The following SDK1 variants were observed in gnomAD, a reference collection of about 807,000 sequenced individuals.
SDK1 encodes protein sidekick-1.
In SDK1, 157 loss-of-function variants were observed where a neutral mutation model predicts 245.5. The ratio of observed to expected loss-of-function variants is 0.64; its 90% CI spans 0.56 to 0.73. SDK1 has a LOEUF of 0.73. Among genes scored for constraint, SDK1 ranks in the 30% least tolerant of loss-of-function variants. The probability of loss-of-function intolerance (pLI) is 0.00; values close to 1 mark genes in which losing one functional copy is unlikely to be tolerated. For synonymous variants in SDK1, 1,647 were observed against 1,278.5 expected (o/e 1.29, Z -6.15); for missense variants, 3,583 against 3,002.3 (o/e 1.19, Z -4.52).
chr7:3,323,672 T>TA (rs756388189), intron 1 of SDK1, among the ~76,000 whole-genome samples: 5 of 152,194 alleles, frequency 3.3e-5, no homozygotes, highest in South Asian at 2.1e-4. Flanking sequence ...ATTTCTGACT[T>TA]ACGTTTTTAG....
chr7:4,233,251 G>A lies in SDK1; in HGVS notation c.5828-4G>A, dbSNP rs1440803885. On this transcript the variant is annotated splice_region_variant and splice_polypyrimidine_tract_variant and intron_variant, in intron 40 of 44. Coordinates refer to ENST00000404826, the MANE Select transcript of SDK1 (RefSeq NM_152744.4). Reference sequence around the variant, plus strand: ...CTGCTCTCGCCTCCCCATCCCTCTTGCAGATGAAGGCTTATGGGACATGTT... The same window carrying A: ...CTGCTCTCGCCTCCCCATCCCTCTTACAGATGAAGGCTTATGGGACATGTT... The A allele has an allele frequency of 6.2e-7, 1 of 1,610,964 alleles. No individual in the cohort carries two copies. The highest frequency in any genetic ancestry group is 1.7e-5 in the Admixed American group (1 of 59,986).
chr7:3,512,874 G>A (rs960847484), intron 1 of SDK1, among the ~76,000 whole-genome samples: 1 of 151,930 alleles, frequency 6.6e-6, no homozygotes, highest in South Asian at 2.1e-4. Flanking sequence ...TTATGTCATT[G>A]TAACAGGTAT....
chr7:3,814,258 A>C (rs1269480937), intron 4 of SDK1, among the ~76,000 whole-genome samples: 3 of 151,362 alleles, frequency 2.0e-5, no homozygotes, highest in East Asian at 3.9e-4. Flanking sequence ...CTAATGTTTA[A>C]ATCTTTAATC....
At chr7:3,786,221 C>G (rs1454177790) in intron 4 of SDK1, among the ~76,000 whole-genome samples, 1 of 152,174 alleles carries the variant, frequency 6.6e-6, no homozygotes, top group Non-Finnish European at 1.5e-5. Flanking sequence ...AGAAGCATGT[C>G]TTGGATGACT....
chr7:3,960,741 A>G (rs1781611443), intron 8 of SDK1, among the ~76,000 whole-genome samples: 1 of 152,108 alleles, frequency 6.6e-6, no homozygotes, highest in South Asian at 2.1e-4. Context: ...CTGATTCGGC[A>G]TAGGGGAGGG....
intron 14 of SDK1, among the ~76,000 whole-genome samples, chr7:3,989,291 C>T (rs1784112454): frequency 6.6e-6 from 1 of 152,196 alleles, no homozygotes; most frequent in Non-Finnish European, 1.5e-5. Flanking sequence ...TGCAGGAAAA[C>T]TCCCCTTGTA....
intron 28 of SDK1, among the ~76,000 whole-genome samples, chr7:4,142,196 A>G (rs1779623785): frequency 6.6e-6 from 1 of 152,178 alleles, no homozygotes; most frequent in African/African-American, 2.4e-5. Context: ...TTTTAATGCA[A>G]ACTTGATTTT....
At chr7:3,814,522 A>G (rs1424566265) in intron 4 of SDK1, among the ~76,000 whole-genome samples, 4 of 151,702 alleles carry the variant, frequency 2.6e-5, no homozygotes, top group Non-Finnish European at 5.9e-5. Context: ...GTAGCCTTGT[A>G]GTATAGTTTG....
At chr7:3,975,780 T>C (rs1469089004) in intron 13 of SDK1, among the ~76,000 whole-genome samples, 1 of 152,248 alleles carries the variant, frequency 6.6e-6, no homozygotes, top group African/African-American at 2.4e-5. Flanking sequence ...GGATGACCCC[T>C]TGTTCTCTTT....
chr7:3,875,189 ATT>A (rs1486355214), intron 5 of SDK1, among the ~76,000 whole-genome samples: 1 of 149,584 alleles, frequency 6.7e-6, no homozygotes, highest in East Asian at 1.9e-4. Context: ...CTCTTTCTGG[ATT>A]TTCTAGGTTT....
intron 1 of SDK1, among the ~76,000 whole-genome samples, chr7:3,428,799 A>G (rs1779748284): frequency 6.6e-6 from 1 of 152,074 alleles, no homozygotes; most frequent in East Asian, 1.9e-4. Context: ...AAAGACCATC[A>G]TTTTTATTTG....
At chr7:3,549,889 G>T (rs1333783084) in intron 1 of SDK1, among the ~76,000 whole-genome samples, 2 of 151,588 alleles carry the variant, frequency 1.3e-5, no homozygotes, top group South Asian at 2.1e-4. Flanking sequence ...CTAAAATTTA[G>T]CCAGAAAGGA....
At chr7:3,728,772 A>T (rs1779086788) in intron 4 of SDK1, among the ~76,000 whole-genome samples, 2 of 152,056 alleles carry the variant, frequency 1.3e-5, no homozygotes, top group African/African-American at 4.8e-5. Context: ...TGCCTGGCTA[A>T]TTTTTGTATT....
At chr7:4,199,078 G>C (rs923584866) in intron 35 of SDK1, among the ~76,000 whole-genome samples, 3 of 152,168 alleles carry the variant, frequency 2.0e-5, no homozygotes, top group Non-Finnish European at 4.4e-5. Context: ...GCCTCCCAAA[G>C]TGCTGGGATT....
At chr7:4,093,721 C>T (rs376949647) in intron 22 of SDK1, among the ~76,000 whole-genome samples, 1 of 152,184 alleles carries the variant, frequency 6.6e-6, no homozygotes, top group Non-Finnish European at 1.5e-5. Flanking sequence ...TCGGTGAAGT[C>T]GGGGGCGTGA....
chr7:3,421,454 CT>C (rs1779533007), intron 1 of SDK1, among the ~76,000 whole-genome samples: 1 of 152,076 alleles, frequency 6.6e-6, no homozygotes, highest in Admixed American at 6.6e-5. Flanking sequence ...TTACCAAAGC[CT>C]TTTAAAACTG....
At position 3,614,413 on chromosome 7, in the gene SDK1, C is replaced by T. The variant is rs1202224; in HGVS notation, c.299-4667C>T. ...TCTATTATTATTTGAAATACACACA[C>T]ACCCTTCAAAGATTAATATGTGGGC... On this transcript the variant is annotated intron_variant, in intron 1 of 44. Transcript: ENST00000404826. Among the ~76,000 whole-genome samples, 458 of 152,320 alleles carry T rather than the reference C, an allele frequency of 3.0e-3. 3 individuals carry two copies. Among genetic ancestry groups the T allele is most frequent in the South Asian group, 0.018 (88 of 4,832 alleles).
chr7:3,371,253 AG>A (rs763840907), intron 1 of SDK1, among the ~76,000 whole-genome samples: 4 of 148,228 alleles, frequency 2.7e-5, no homozygotes, highest in Non-Finnish European at 6.0e-5. Flanking sequence ...GTGGATCTTG[AG>A]GAAACTAGGG....
At chr7:3,717,782 C>T (rs1785245188) in intron 4 of SDK1, among the ~76,000 whole-genome samples, 1 of 152,124 alleles carries the variant, frequency 6.6e-6, no homozygotes, top group Admixed American at 6.5e-5. Context: ...GTTAAACCCT[C>T]CCCACTTGAT....
Sources: gnomAD v4.1 joint callset for allele counts (sites outside exome capture counted in the v4.1 genomes callset) on GRCh38, gnomAD v4.1.1 for gene constraint, MANE v1.5 for transcripts, NCBI Gene and HGNC (gene_info 2026-07-23, HGNC 2026-07-21) for gene names.